NTNG1: variants seen among roughly 807,000 people sequenced by gnomAD.
The protein encoded by NTNG1 is netrin-G1.
Under a neutral mutation model 54.0 loss-of-function variants are expected in NTNG1, and 16 were observed. That is an observed-to-expected ratio of 0.30 (90% CI 0.20 to 0.45). The LOEUF is 0.45. NTNG1 is among the 20% of genes least tolerant of loss of function. The pLI is 1.00. For synonymous variants in NTNG1, 255 were observed against 263.1 expected, an observed-to-expected ratio of 0.97 and a Z score of 0.30; for missense variants, 530 against 678.7, an observed-to-expected ratio of 0.78 and a Z score of 2.43.
At chr1:107,173,785 A>G (rs1171896836) in intron 2 of NTNG1, among the ~76,000 whole-genome samples, 1 of 147,352 alleles carries the variant, frequency 6.8e-6, no homozygotes, top group East Asian at 2.0e-4. Flanking sequence ...GAATGAAATG[A>G]TTTCATGAAG....
intron 2 of NTNG1, among the ~76,000 whole-genome samples, chr1:107,172,239 T>G (rs1656303895): frequency 6.6e-6 from 1 of 152,196 alleles, no homozygotes; most frequent in Non-Finnish European, 1.5e-5. Flanking sequence ...ACAAAGCTAA[T>G]GAAGGACTGA....
intron 2 of NTNG1, among the ~76,000 whole-genome samples, chr1:107,313,613 A>G (rs1197568380): frequency 1.3e-5 from 2 of 152,208 alleles, no homozygotes; most frequent in African/African-American, 4.8e-5. Context: ...ACGGGTGCAC[A>G]TTGATTTTAA....
chr1:107,189,223 C>T (rs548390529), intron 2 of NTNG1, among the ~76,000 whole-genome samples: 23 of 151,602 alleles, frequency 1.5e-4, no homozygotes, highest in African/African-American at 5.3e-4. Context: ...TGGTAGTTCA[C>T]GCCTGTAGTT....
At chr1:107,165,928 A>C (rs1655760332) in intron 2 of NTNG1, among the ~76,000 whole-genome samples, 1 of 152,194 alleles carries the variant, frequency 6.6e-6, no homozygotes, top group African/African-American at 2.4e-5. Flanking sequence ...TTCTCTAAAC[A>C]GTTAGTTTAG....
chr1:107,475,910 A>T (rs1418297827), intron 7 of NTNG1, among the ~76,000 whole-genome samples: 1 of 152,176 alleles, frequency 6.6e-6, no homozygotes, highest in Non-Finnish European at 1.5e-5. Flanking sequence ...TCAAATACCC[A>T]TGGGAGCAAA....
At chr1:107,268,657 C>G (rs1361450604) in intron 2 of NTNG1, among the ~76,000 whole-genome samples, 1 of 152,166 alleles carries the variant, frequency 6.6e-6, no homozygotes, top group Non-Finnish European at 1.5e-5. Flanking sequence ...GACCTCACTA[C>G]TGAACTCCAG....
At chr1:107,419,625 A>T (rs1004994022) in intron 5 of NTNG1, among the ~76,000 whole-genome samples, 2 of 83,192 alleles carry the variant, frequency 2.4e-5, no homozygotes, top group African/African-American at 3.2e-5. Flanking sequence ...TCCTTCTTCA[A>T]AAAAAAAAAA....
intron 2 of NTNG1, among the ~76,000 whole-genome samples, chr1:107,227,895 C>G (rs1225125873): frequency 3.3e-5 from 5 of 152,122 alleles, no homozygotes; most frequent in Non-Finnish European, 7.4e-5. Context: ...TGAAACCTCC[C>G]AAGTAATCTT....
At chr1:107,142,725 T>C (rs1422145019) in intron 1 of NTNG1, among the ~76,000 whole-genome samples, 1 of 150,852 alleles carries the variant, frequency 6.6e-6, no homozygotes, top group East Asian at 1.9e-4. Context: ...CTTATTCAGA[T>C]ATGCTTAGTA....
At chr1:107,396,935 C>T (rs76866145) in intron 4 of NTNG1, among the ~76,000 whole-genome samples, 2 of 152,188 alleles carry the variant, frequency 1.3e-5, no homozygotes, top group Non-Finnish European at 2.9e-5. Context: ...TGTTCTTCTA[C>T]CCGTAACTGT....
Position 107,167,637 on chromosome 1 carries a change from A to G in NTNG1, c.246+18798A>G, listed in dbSNP as rs1197067122. 2.0e-5 allele frequency among the ~76,000 whole-genome samples: 3 copies of G among 152,004 alleles called. No homozygotes were observed. In the East Asian group the frequency reaches 5.8e-4, roughly 29 times the overall value. On this transcript the variant is annotated intron_variant, in intron 2 of 7. Coordinates refer to ENST00000370068, the MANE Select transcript of NTNG1 (RefSeq NM_001113226.3). ...CATAAGTCACAGTAACTAATAAAAAATAGTTGTGAGATTGCTGGATATCAT... is the reference window on the plus strand; with the variant it reads ...CATAAGTCACAGTAACTAATAAAAAGTAGTTGTGAGATTGCTGGATATCAT...
chr1:107,391,125 T>C (rs1672330094), intron 3 of NTNG1, among the ~76,000 whole-genome samples: 2 of 152,178 alleles, frequency 1.3e-5, no homozygotes, highest in Non-Finnish European at 2.9e-5. Context: ...AAACAGCTTA[T>C]AAGAGTACCT....
At chr1:107,286,344 A>G (rs748182285) in intron 2 of NTNG1, among the ~76,000 whole-genome samples, 3 of 152,154 alleles carry the variant, frequency 2.0e-5, no homozygotes, top group Non-Finnish European at 4.4e-5. Flanking sequence ...AGCATGTCTG[A>G]CAGACAAGTC....
rs1383310387 is a variant in NTNG1, at chr1:107,264,911, A to T, written c.247-59371A>T. ...GGTTTTGATCAAATATGCAGGAAGG[A>T]TGTTTTCTGTGACTTGGGTACAGTG... is the stretch of plus-strand genomic sequence containing the variant. On this transcript the variant is annotated intron_variant, in intron 2 of 7. Coordinates refer to ENST00000370068, the MANE Select transcript of NTNG1 (RefSeq NM_001113226.3). 5.3e-5 allele frequency among the ~76,000 whole-genome samples: 8 copies of T among 152,106 alleles called. 1 individual carries two copies. The highest frequency in any genetic ancestry group is 1.9e-4 in the African/African-American group (8 of 41,408).
intron 2 of NTNG1, among the ~76,000 whole-genome samples, chr1:107,296,000 C>A (rs138433647): frequency 6.6e-6 from 1 of 152,038 alleles, no homozygotes; most frequent in Admixed American, 6.6e-5. Context: ...TTGGCTCATC[C>A]GTCTTTGTCT....
chr1:107,442,646 G>A (rs531518766), intron 7 of NTNG1, among the ~76,000 whole-genome samples: 1 of 152,182 alleles, frequency 6.6e-6, no homozygotes, highest in East Asian at 1.9e-4. Flanking sequence ...AGTGGCAAAG[G>A]AACTAACAAT....
At chr1:107,142,767 A>AT (rs1165592474) in intron 1 of NTNG1, among the ~76,000 whole-genome samples, 1 of 137,928 alleles carries the variant, frequency 7.3e-6, no homozygotes, top group African/African-American at 2.8e-5. Flanking sequence ...TCCAAAAAAT[A>AT]ATTTTTTTTT....
intron 3 of NTNG1, 139 bp from the exon 4 acceptor site, chr1:107,395,015 C>G: frequency 1.4e-6 from 1 of 699,186 alleles, no homozygotes; most frequent in East Asian, 2.5e-5. Flanking sequence ...GAGGGCTGGG[C>G]CTGCAAATCT....
At chr1:107,432,790 T>A (rs1263266274) in intron 6 of NTNG1, among the ~76,000 whole-genome samples, 1 of 152,152 alleles carries the variant, frequency 6.6e-6, no homozygotes, top group African/African-American at 2.4e-5. Context: ...GGAAATATTT[T>A]ATTCCATAAA....
Sources: gnomAD v4.1 joint callset for allele counts (sites outside exome capture counted in the v4.1 genomes callset) on GRCh38, gnomAD v4.1.1 for gene constraint, MANE v1.5 for transcripts, NCBI Gene and HGNC (gene_info 2026-07-23, HGNC 2026-07-21) for gene names.